The following TAFA5 variants were observed in gnomAD, a reference collection of about 807,000 sequenced individuals.
The protein encoded by TAFA5 is chemokine-like protein TAFA-5.
In TAFA5, 6 loss-of-function variants were observed where a neutral mutation model predicts 15.3. The ratio of observed to expected loss-of-function variants is 0.39; its 90% CI spans 0.21 to 0.77. The LOEUF (loss-of-function observed/expected upper bound fraction) is 0.77. TAFA5 is among the 30% of genes least tolerant of loss of function. The pLI is 0.41. For missense variants in TAFA5, 161 were observed against 193.1 expected (o/e 0.83, Z 0.98); for synonymous variants, 103 against 80.7 (o/e 1.28, Z -1.48).
chr22:48,580,245 CA>C (rs1923985503), intron 1 of TAFA5, among the ~76,000 whole-genome samples: 1 of 152,188 alleles, frequency 6.6e-6, no homozygotes, highest in Admixed American at 6.5e-5. Flanking sequence ...TGGCCCGTAA[CA>C]AGGGGCATGC....
chr22:48,607,243 G>A (rs1925224939), intron 1 of TAFA5, among the ~76,000 whole-genome samples: 1 of 148,686 alleles, frequency 6.7e-6, no homozygotes, highest in African/African-American at 2.5e-5. Context: ...CCCGGGTTCT[G>A]ATTAGGCCTG....
chr22:48,665,325 T>C (rs901573240), intron 2 of TAFA5, among the ~76,000 whole-genome samples: 2 of 152,208 alleles, frequency 1.3e-5, no homozygotes, highest in Admixed American at 1.3e-4. Context: ...CTGTGTTTAT[T>C]CTGTGGCTGG....
chr22:48,702,383 C>G (rs1928937467), intron 2 of TAFA5, among the ~76,000 whole-genome samples: 2 of 151,982 alleles, frequency 1.3e-5, no homozygotes, highest in South Asian at 4.2e-4. Context: ...CGGTGAGACT[C>G]TAGATCCAGT....
At chr22:48,582,114 G>A (rs1008038105) in intron 1 of TAFA5, among the ~76,000 whole-genome samples, 6 of 151,978 alleles carry the variant, frequency 3.9e-5, no homozygotes, top group South Asian at 2.1e-4. Flanking sequence ...CCCTTTCCTC[G>A]TTCTCCTTTT....
chr22:48,527,240 T>G (rs1406188968), intron 1 of TAFA5, among the ~76,000 whole-genome samples: 1 of 152,230 alleles, frequency 6.6e-6, no homozygotes, highest in Non-Finnish European at 1.5e-5. Flanking sequence ...TGGCCGTCAC[T>G]TCCTCCTCTG....
At chr22:48,663,496 C>T (rs1383410856) in intron 2 of TAFA5, among the ~76,000 whole-genome samples, 2 of 152,176 alleles carry the variant, frequency 1.3e-5, no homozygotes, top group Admixed American at 1.3e-4. Flanking sequence ...ACCCAGCTGA[C>T]TCTGTCTCTA....
intron 1 of TAFA5, among the ~76,000 whole-genome samples, chr22:48,603,689 C>T (rs916967452): frequency 6.6e-6 from 1 of 152,192 alleles, no homozygotes. Context: ...GTGCAGCTGC[C>T]TCTCCCTTCT....
intron 3 of TAFA5, among the ~76,000 whole-genome samples, chr22:48,730,789 C>T (rs558900599): frequency 2.7e-4 from 41 of 152,212 alleles, no homozygotes; most frequent in South Asian, 2.1e-3. Flanking sequence ...CTCCACTGAC[C>T]GGCCAGTCCC....
intron 1 of TAFA5, among the ~76,000 whole-genome samples, chr22:48,596,732 C>T (rs927645870): frequency 6.6e-6 from 1 of 152,186 alleles, no homozygotes; most frequent in African/African-American, 2.4e-5. Flanking sequence ...TCGTGACGTG[C>T]GTCCACCGAG....
At chr22:48,730,602 T>G (rs1929843898) in intron 3 of TAFA5, among the ~76,000 whole-genome samples, 1 of 152,210 alleles carries the variant, frequency 6.6e-6, no homozygotes, top group African/African-American at 2.4e-5. Context: ...TCACTTTGTG[T>G]CTCTGTGTCA....
chr22:48,625,637 A>T (rs889363731), intron 1 of TAFA5, among the ~76,000 whole-genome samples: 3 of 152,200 alleles, frequency 2.0e-5, no homozygotes, highest in African/African-American at 7.2e-5. Flanking sequence ...GTTATTTCAC[A>T]CATTTACAAC....
At chr22:48,513,399 C>T (rs1271226762) in intron 1 of TAFA5, among the ~76,000 whole-genome samples, 2 of 152,306 alleles carry the variant, frequency 1.3e-5, no homozygotes, top group Non-Finnish European at 2.9e-5. Context: ...ATCGCATGTG[C>T]AGAGTTGAGT....
rs568621922 is a variant in TAFA5, at chr22:48,541,785, A to C, written c.112+52081A>C. ...TGACCTCAGGGGTGGCAAGGTCTGC[A>C]GCCCTGCCAGGCTCCGGGTCTTGAG... On this transcript the variant is annotated intron_variant, in intron 1 of 3. Coordinates refer to ENST00000402357, the MANE Select transcript of TAFA5 (RefSeq NM_001082967.3). Among the ~76,000 whole-genome samples the C allele has an allele frequency of 1.7e-4, 26 of 152,298 alleles. No individual in the cohort carries two copies. In the East Asian group the frequency reaches 3.7e-3, roughly 22 times the overall value.
chr22:48,538,367 C>T (rs113938394), intron 1 of TAFA5, among the ~76,000 whole-genome samples: 13 of 152,332 alleles, frequency 8.5e-5, no homozygotes, highest in African/African-American at 2.9e-4. Context: ...GGCGCCCCAT[C>T]CTCAGGCCAG....
intron 1 of TAFA5, among the ~76,000 whole-genome samples, chr22:48,580,425 C>T (rs539724745): frequency 6.6e-6 from 1 of 152,356 alleles, no homozygotes; most frequent in South Asian, 2.1e-4. Context: ...TTAGGAGACA[C>T]AGCACAGTTC....
chr22:48,682,524 C>T (rs555118854), intron 2 of TAFA5, among the ~76,000 whole-genome samples: 1 of 152,352 alleles, frequency 6.6e-6, no homozygotes, highest in South Asian at 2.1e-4. Flanking sequence ...TTCTTGACAT[C>T]CTTACCAGCG....
intron 3 of TAFA5, among the ~76,000 whole-genome samples, chr22:48,733,930 C>A (rs948814035): frequency 1.3e-5 from 2 of 152,310 alleles, no homozygotes; most frequent in South Asian, 4.1e-4. Context: ...AGTTCTTCAG[C>A]CCCACCTGCC....
chr22:48,659,905 A>C (rs180991631), intron 2 of TAFA5, among the ~76,000 whole-genome samples: 106 of 152,348 alleles, frequency 7.0e-4, no homozygotes, highest in Middle Eastern at 6.8e-3. Context: ...ATAATGAAAA[A>C]GCCAGGGACA....
chr22:48,676,899 G>T (rs1232226704), intron 2 of TAFA5, among the ~76,000 whole-genome samples: 1 of 152,212 alleles, frequency 6.6e-6, no homozygotes, highest in Non-Finnish European at 1.5e-5. Flanking sequence ...GTGATTAGAG[G>T]GTTCCCAGGA....
Sources: gnomAD v4.1 joint callset for allele counts (sites outside exome capture counted in the v4.1 genomes callset) on GRCh38, gnomAD v4.1.1 for gene constraint, MANE v1.5 for transcripts, NCBI Gene and HGNC (gene_info 2026-07-23, HGNC 2026-07-21) for gene names.